The following CADM2 variants were observed in gnomAD, a reference collection of about 807,000 sequenced individuals.
CADM2 encodes the protein immunoglobulin superfamily member 4D.
In CADM2, 12 loss-of-function variants were observed where a neutral mutation model predicts 49.8. That is an observed-to-expected ratio of 0.24 (90% CI 0.15 to 0.39). The LOEUF (loss-of-function observed/expected upper bound fraction) is 0.39, where lower values mean the gene tolerates loss of function less well. Among genes scored for constraint, CADM2 ranks in the 10% least tolerant of loss-of-function variants. CADM2 has a pLI of 1.00. For synonymous variants in CADM2, 214 were observed against 175.4 expected (o/e 1.22, Z -1.74); for missense variants, 378 against 492.3 (o/e 0.77, Z 2.20).
At chr3:85,393,947 C>CA (rs1162025713) in intron 1 of CADM2, among the ~76,000 whole-genome samples, 4 of 152,082 alleles carry the variant, frequency 2.6e-5, no homozygotes, top group Admixed American at 6.5e-5. Context: ...GCTGGGACTA[C>CA]AGGCGCCCGT....
chr3:86,066,797 A>G lies in CADM2; in HGVS notation c.*14A>G, dbSNP rs560220919. 2.6e-6 allele frequency: 4 copies of G among 1,555,488 alleles called. No homozygotes were observed. Among genetic ancestry groups the G allele is most frequent in the African/African-American group, 1.4e-5 (1 of 73,674 alleles). On this transcript the variant is annotated 3_prime_UTR_variant, in exon 10 of 10. Transcript: ENST00000383699. Reference sequence around the variant, plus strand: ...TATTTCATTTAAGATGCAGGCCAAGATTCTGAGTTTTACTACCAGGCTGAA... The same window carrying G: ...TATTTCATTTAAGATGCAGGCCAAGGTTCTGAGTTTTACTACCAGGCTGAA...
intron 1 of CADM2, among the ~76,000 whole-genome samples, chr3:85,324,490 T>C (rs559620239): frequency 6.6e-6 from 1 of 152,302 alleles, no homozygotes; most frequent in African/African-American, 2.4e-5. Flanking sequence ...AATAGTAGTC[T>C]TTTGATCCAC....
At chr3:85,522,188 C>G (rs142198612) in intron 1 of CADM2, among the ~76,000 whole-genome samples, 1 of 152,008 alleles carries the variant, frequency 6.6e-6, no homozygotes, top group Non-Finnish European at 1.5e-5. Flanking sequence ...CGATATTATC[C>G]GTCCCCTTCC....
chr3:85,639,147 G>A, intron 1 of CADM2, among the ~76,000 whole-genome samples: 1 of 152,218 alleles, frequency 6.6e-6, no homozygotes, highest in Non-Finnish European at 1.5e-5. Context: ...TTAACTTGTT[G>A]AAAATAATTT....
chr3:85,280,780 G>A (rs1186718930), intron 1 of CADM2, among the ~76,000 whole-genome samples: 1 of 149,062 alleles, frequency 6.7e-6, no homozygotes, highest in African/African-American at 2.5e-5. Flanking sequence ...TTTATTGGTT[G>A]AAAACAAAAA....
chr3:85,715,113 C>CAT (rs1039132412), intron 1 of CADM2, among the ~76,000 whole-genome samples: 12 of 152,058 alleles, frequency 7.9e-5, no homozygotes, highest in African/African-American at 1.9e-4. Flanking sequence ...TCTATACACA[C>CAT]ATATATATAT....
chr3:85,280,963 C>A (rs1041275114), intron 1 of CADM2, among the ~76,000 whole-genome samples: 1 of 151,510 alleles, frequency 6.6e-6, no homozygotes, highest in Non-Finnish European at 1.5e-5. Flanking sequence ...GAAAATGATA[C>A]GTGACACAAA....
At chr3:85,505,344 ACAGTG>A (rs2040301424) in intron 1 of CADM2, among the ~76,000 whole-genome samples, 1 of 152,246 alleles carries the variant, frequency 6.6e-6, no homozygotes, top group Non-Finnish European at 1.5e-5. Flanking sequence ...ATCACATTAC[ACAGTG>A]CATTTCTTTC....
chr3:85,289,536 T>C (rs1003095323), intron 1 of CADM2, among the ~76,000 whole-genome samples: 2 of 152,200 alleles, frequency 1.3e-5, no homozygotes, highest in African/African-American at 4.8e-5. Context: ...ATGAACCTTC[T>C]TTAGTGTGTA....
chr3:85,218,211 C>A (rs1446580371), intron 1 of CADM2, among the ~76,000 whole-genome samples: 1 of 151,864 alleles, frequency 6.6e-6, no homozygotes, highest in Non-Finnish European at 1.5e-5. Context: ...GATGAGAGGT[C>A]ACCTGGAAGT....
At chr3:85,174,089 C>T (rs2040710196) in intron 1 of CADM2, among the ~76,000 whole-genome samples, 1 of 152,112 alleles carries the variant, frequency 6.6e-6, no homozygotes, top group Non-Finnish European at 1.5e-5. Context: ...ACAGTGGGCT[C>T]ACTCTGTTCC....
chr3:85,633,276 C>T (rs1233251195), intron 1 of CADM2, among the ~76,000 whole-genome samples: 1 of 151,890 alleles, frequency 6.6e-6, no homozygotes, highest in Non-Finnish European at 1.5e-5. Context: ...AACTTTGTTT[C>T]CAGATTTATA....
chr3:85,107,997 T>C (rs2200464), intron 1 of CADM2, among the ~76,000 whole-genome samples: 91,554 of 151,872 alleles, frequency 0.6, 28,517 homozygotes, highest in African/African-American at 0.65. Flanking sequence ...CCTGTTATCA[T>C]GGTAGGCAGT....
At chr3:85,056,144 T>A (rs2036070799) in intron 1 of CADM2, among the ~76,000 whole-genome samples, 1 of 152,092 alleles carries the variant, frequency 6.6e-6, no homozygotes, top group Admixed American at 6.6e-5. Flanking sequence ...TTGGTGTATA[T>A]CTAGCACTTT....
intron 1 of CADM2, among the ~76,000 whole-genome samples, chr3:85,410,942 G>C (rs554273464): frequency 6.6e-6 from 1 of 152,270 alleles, no homozygotes; most frequent in Non-Finnish European, 1.5e-5. Context: ...TACTTCTAAT[G>C]GTAGACAAAA....
intron 1 of CADM2, among the ~76,000 whole-genome samples, chr3:85,270,202 C>G (rs1011818250): frequency 6.0e-5 from 9 of 151,238 alleles, no homozygotes; most frequent in Middle Eastern, 3.4e-3. Context: ...TAGATGCACT[C>G]AGTAATAAAA....
chr3:85,902,016 T>G (rs1716195756), intron 5 of CADM2, among the ~76,000 whole-genome samples: 1 of 152,158 alleles, frequency 6.6e-6, no homozygotes, highest in Non-Finnish European at 1.5e-5. Context: ...CATATGTTAT[T>G]TAGTCATTCA....
intron 1 of CADM2, among the ~76,000 whole-genome samples, chr3:84,996,564 G>A (rs774373742): frequency 3.6e-4 from 55 of 151,878 alleles, no homozygotes; most frequent in Admixed American, 5.9e-4. Context: ...TCATTCAATG[G>A]ATTTAATGAT....
intron 1 of CADM2, among the ~76,000 whole-genome samples, chr3:85,678,105 T>C (rs2065937073): frequency 6.6e-6 from 1 of 152,200 alleles, no homozygotes; most frequent in Non-Finnish European, 1.5e-5. Flanking sequence ...CTACGTGGGA[T>C]TGATGAGTGA....
Sources: allele counts gnomAD v4.1 joint callset (sites outside exome capture counted in the v4.1 genomes callset), GRCh38; gene constraint gnomAD v4.1.1; transcripts MANE v1.5; gene names NCBI Gene and HGNC (gene_info 2026-07-23, HGNC 2026-07-21).